The following DUS2 variants were observed in gnomAD, a reference collection of about 807,000 sequenced individuals.
DUS2 encodes the protein dihydrouridine synthase 2.
DUS2 carries 52 observed loss-of-function variants against 71.3 expected under a neutral mutation model. The ratio of observed to expected loss-of-function variants is 0.73; its 90% CI spans 0.58 to 0.92. DUS2 has a LOEUF of 0.92. DUS2 is among the 40% of genes least tolerant of loss of function. The probability of loss-of-function intolerance (pLI) is 0.00; values close to 1 mark genes in which losing one functional copy is unlikely to be tolerated. For missense variants in DUS2, 558 were observed against 622.6 expected, an observed-to-expected ratio of 0.90 and a Z score of 1.10; for synonymous variants, 204 against 227.8, an observed-to-expected ratio of 0.90 and a Z score of 0.94.
At chr16:68,056,541 G>C (rs2033854353) in intron 7 of DUS2, 117 bp downstream of exon 7, 3 of 775,114 alleles carry the variant, frequency 3.9e-6, no homozygotes, top group South Asian at 3.3e-5. Flanking sequence ...TGGGGAAAAT[G>C]CTCAAAAAGA....
At chr16:68,053,853 G>A (rs903558399) in intron 5 of DUS2, 198 bp downstream of exon 5, 1 of 572,788 alleles carries the variant, frequency 1.7e-6, no homozygotes, top group Non-Finnish European at 3.1e-6. Context: ...TGGAAATCAA[G>A]CTATCACAGT....
chr16:68,056,607 A>T (rs1478811610), intron 7 of DUS2, among the ~76,000 whole-genome samples, 183 bp downstream of exon 7: 1 of 152,072 alleles, frequency 6.6e-6, no homozygotes, highest in Non-Finnish European at 1.5e-5. Context: ...TTAGCTAAAT[A>T]TACTGTATCA....
chr16:68,039,127 A>C (rs777277244), intron 3 of DUS2, among the ~76,000 whole-genome samples: 5 of 152,136 alleles, frequency 3.3e-5, no homozygotes, highest in Non-Finnish European at 7.3e-5. Context: ...GCGGAAAACA[A>C]ACCCTTATGT....
At chr16:68,057,030 AATATATGTAATATATATTTATAT>A (rs1253934006) in intron 7 of DUS2, among the ~76,000 whole-genome samples, 12 of 134,898 alleles carry the variant, frequency 8.9e-5, no homozygotes, top group Admixed American at 2.5e-4. Context: ...AATACATATA[AATATATGTAATATATATTTATAT>A]ATATATGTAA....
intron 15 of DUS2, 126 bp from the exon 16 acceptor site, chr16:68,078,319 T>C: frequency 1.1e-6 from 1 of 869,924 alleles, no homozygotes; most frequent in Non-Finnish European, 1.9e-6. Context: ...GAGCATGTGA[T>C]ACAGGCAGCC....
intron 3 of DUS2, among the ~76,000 whole-genome samples, chr16:68,049,025 G>T (rs2033742152): frequency 6.6e-6 from 1 of 152,096 alleles, no homozygotes; most frequent in Non-Finnish European, 1.5e-5. Context: ...ATGTGGGATA[G>T]GGGTTTTAGA....
In DUS2 at chr16:68,056,411, A is replaced by G; in HGVS notation, c.356A>G (p.Gln119Arg). 1 of 1,613,630 alleles carries G rather than the reference A, an allele frequency of 6.2e-7. No individual in the cohort carries two copies. The highest frequency in any genetic ancestry group is 8.5e-7 in the Non-Finnish European group (1 of 1,179,744). The change falls in exon 7 of 17, where the codon CAA becomes CGA. Residue 119 changes from glutamine (Q) to arginine (R), a missense_variant. Gln to Arg is a conservative substitution (Grantham distance 43). Transcript: ENST00000565263. ...GATGTCAACATGGGCTGTCCAAAACAATATTCCACCAAGGTAAACTGGTTT... is the reference window on the plus strand; with the variant it reads ...GATGTCAACATGGGCTGTCCAAAACGATATTCCACCAAGGTAAACTGGTTT... Reference protein sequence around the residue: ...GIDVNMGCPKQYSTKGGMGAA... With the variant: ...GIDVNMGCPKRYSTKGGMGAA...
chr16:68,055,930 A>T (rs1209436291), intron 6 of DUS2, among the ~76,000 whole-genome samples: 3 of 151,848 alleles, frequency 2.0e-5, no homozygotes, highest in African/African-American at 7.3e-5. Flanking sequence ...GTTTGGATTA[A>T]ACCATCTGTG....
rs765626208 is a variant in DUS2 at position 68,070,973 on chromosome 16, G to A, written c.675G>A (p.Ser225=). The part of the protein sequence containing the change: ...GGSHDHIQQY[S]DIEDFRQATA... ...CTCATGACCACATCCAACAGTATTCGGACATAGAGGACTTTCGACAAGCCA... is the reference window on the plus strand; with the variant it reads ...CTCATGACCACATCCAACAGTATTCAGACATAGAGGACTTTCGACAAGCCA... The change falls in exon 12 of 17, where the codon TCG becomes TCA. Residue 225 remains serine, a synonymous_variant. Transcript: ENST00000565263. The A allele has an allele frequency of 1.4e-5, 23 of 1,614,050 alleles. No homozygotes were observed. Among genetic ancestry groups the A allele is most frequent in the Middle Eastern group, 1.6e-4 (1 of 6,084 alleles).
In DUS2 at chr16:68,079,218, T is replaced by C; in HGVS notation, c.*232T>C. 2.4e-6 allele frequency: 1 copy of C among 424,098 alleles called. No individual in the cohort carries two copies. Among genetic ancestry groups the C allele is most frequent in the Non-Finnish European group, 4.2e-6 (1 of 238,692 alleles). The allele number at this position is 424,098 out of a possible 1,614,324, so 26.3% of individuals were successfully genotyped here. ...TCAAGTTCTCTTTGAAAACAGGAGC[T>C]TTTCAGGTGGTAACTCCCCAACCTG... On this transcript the variant is annotated 3_prime_UTR_variant, in exon 17 of 17. Coordinates refer to ENST00000565263, the MANE Select transcript of DUS2 (RefSeq NM_017803.5).
chr16:68,023,315 G>A lies in DUS2; in HGVS notation c.-135G>A. On this transcript the variant is annotated 5_prime_UTR_variant, in exon 1 of 17. Transcript: ENST00000565263. ...GTGTGTGGAGCTGGAGCACCGTGAG[G>A]AAGAAGCGAGGTTCTTTTTAAGAGT... The A allele has an allele frequency of 1.6e-6, 2 of 1,269,030 alleles. No individual in the cohort carries two copies. 78.6% of individuals were successfully genotyped at this position (1,269,030 alleles called of 1,614,324 possible).
At position 68,048,371 on chromosome 16, in the gene DUS2, C is replaced by T. The variant is rs2033733701; in HGVS notation, c.127-1134C>T. 4.6e-5 allele frequency among the ~76,000 whole-genome samples: 7 copies of T among 152,136 alleles called. No individual in the cohort carries two copies. In the South Asian group the frequency reaches 1.5e-3, roughly 32 times the overall value. On this transcript the variant is annotated intron_variant, in intron 3 of 16. Transcript: ENST00000565263. ...GCTTCCTACTTGTCTACTTGCCTTC[C>T]CCTGCAACTAGGATCACTGGCTACT...
chr16:68,030,486 G>A (rs2033421040), intron 2 of DUS2, among the ~76,000 whole-genome samples: 1 of 152,076 alleles, frequency 6.6e-6, no homozygotes. Flanking sequence ...AGCTAATCAG[G>A]AGGCTGAGGC....
At chr16:68,067,048 T>TTCCC (rs1449802764) in intron 10 of DUS2, among the ~76,000 whole-genome samples, 2 of 63,192 alleles carry the variant, frequency 3.2e-5, no homozygotes, top group Non-Finnish European at 5.5e-5. Flanking sequence ...CCTTCCTTCC[T>TTCCC]TCCCTCCCTC....
At chr16:68,072,797 C>T (rs2034106372) in intron 12 of DUS2, among the ~76,000 whole-genome samples, 1 of 152,258 alleles carries the variant, frequency 6.6e-6, no homozygotes, top group East Asian at 1.9e-4. Context: ...CCGACTTCCA[C>T]TGGGTGTCCC....
At chr16:68,045,412 C>T (rs1290952976) in intron 3 of DUS2, among the ~76,000 whole-genome samples, 1 of 151,582 alleles carries the variant, frequency 6.6e-6, no homozygotes, top group African/African-American at 2.4e-5. Flanking sequence ...TTGAGACCAG[C>T]CTGGCCAACA....
chr16:68,040,420 C>T (rs1011367679), intron 3 of DUS2, among the ~76,000 whole-genome samples: 1 of 152,096 alleles, frequency 6.6e-6, no homozygotes, highest in African/African-American at 2.4e-5. Flanking sequence ...GTTTAGGGCC[C>T]ACGATTTATG....
chr16:68,070,977 A>G lies in DUS2; in HGVS notation c.679A>G (p.Ile227Val), dbSNP rs531070265. ...SHDHIQQYSD[I>V]EDFRQATAAS... ...TGACCACATCCAACAGTATTCGGAC[A>G]TAGAGGACTTTCGACAAGCCACGGC... Residue 227 changes from isoleucine (I) to valine (V), a missense_variant, in exon 12 of 17, where the codon ATA becomes GTA. By Grantham distance (29) the Ile-to-Val change is conservative. Transcript: ENST00000565263. 8.7e-6 allele frequency: 14 copies of G among 1,614,242 alleles called. No homozygotes were observed. Among genetic ancestry groups the G allele is most frequent in the East Asian group, 4.5e-5 (2 of 44,888 alleles).
intron 15 of DUS2, 47 bp from the exon 16 acceptor site, chr16:68,078,398 C>T (rs1209882618): frequency 6.3e-7 from 1 of 1,577,136 alleles, no homozygotes; most frequent in Non-Finnish European, 8.7e-7. Context: ...GTTTGGCCTA[C>T]AGGGCTCATT....
Sources: gnomAD v4.1 joint callset for allele counts (sites outside exome capture counted in the v4.1 genomes callset) on GRCh38, gnomAD v4.1.1 for gene constraint, MANE v1.5 for transcripts, NCBI Gene and HGNC (gene_info 2026-07-23, HGNC 2026-07-21) for gene names.